Variants in PTGFR observed in about 807,000 individuals in gnomAD.
PTGFR encodes prostaglandin F2-alpha receptor.
PTGFR carries 15 observed loss-of-function variants against 26.2 expected under a neutral mutation model. That is an observed-to-expected ratio of 0.57 (90% CI 0.38 to 0.88). The LOEUF (loss-of-function observed/expected upper bound fraction) is 0.88. PTGFR is among the 40% of genes least tolerant of loss of function. PTGFR has a pLI of 0.00. For synonymous variants in PTGFR, 165 were observed against 151.1 expected (o/e 1.09, Z -0.68); for missense variants, 369 against 427.2 (o/e 0.86, Z 1.20).
At chr1:78,500,601 C>T (rs1649678909) in intron 2 of PTGFR, among the ~76,000 whole-genome samples, 1 of 152,222 alleles carries the variant, frequency 6.6e-6, no homozygotes, top group South Asian at 2.1e-4. Context: ...CTCTCCTACC[C>T]AATCCTGCTT....
rs1420972118 is a variant in PTGFR, at chr1:78,535,240, G to A, written c.799-1166G>A. On this transcript the variant is annotated intron_variant, in intron 2 of 2. Coordinates refer to ENST00000370757, the MANE Select transcript of PTGFR (RefSeq NM_000959.4). Reference sequence around the variant, plus strand: ...GCTCAGGAGGGCATGGTGCATCTGGGAAAGATGAGGTCTTCACAGTGGTTG... The same window carrying A: ...GCTCAGGAGGGCATGGTGCATCTGGAAAAGATGAGGTCTTCACAGTGGTTG... Among the ~76,000 whole-genome samples, 6 of 152,120 alleles carry A rather than the reference G, an allele frequency of 3.9e-5. No individual in the cohort carries two copies. The East Asian group carries it at 9.7e-4, about 24-fold the overall frequency.
intron 2 of PTGFR, among the ~76,000 whole-genome samples, chr1:78,509,954 C>T (rs1649925765): frequency 6.6e-6 from 1 of 152,202 alleles, no homozygotes; most frequent in Non-Finnish European, 1.5e-5. Context: ...ATTGATGCCA[C>T]CCTTCTCTTG....
chr1:78,508,596 C>G (rs1649881281), intron 2 of PTGFR, among the ~76,000 whole-genome samples: 1 of 152,150 alleles, frequency 6.6e-6, no homozygotes, highest in Admixed American at 6.5e-5. Context: ...TTCAAACTCT[C>G]CCCTGACTTC....
At chr1:78,503,794 C>T (rs1417362123) in intron 2 of PTGFR, among the ~76,000 whole-genome samples, 1 of 152,176 alleles carries the variant, frequency 6.6e-6, no homozygotes, top group African/African-American at 2.4e-5. Flanking sequence ...GAAGGAACCT[C>T]TGATCACAAA....
intron 2 of PTGFR, among the ~76,000 whole-genome samples, chr1:78,530,826 T>G (rs909824276): frequency 1.3e-4 from 20 of 152,178 alleles, no homozygotes; most frequent in African/African-American, 4.8e-4. Flanking sequence ...GAAATCCAGA[T>G]AGACTTGGGC....
chr1:78,530,186 C>CT (rs1348379257), intron 2 of PTGFR, among the ~76,000 whole-genome samples: 3 of 152,136 alleles, frequency 2.0e-5, no homozygotes, highest in South Asian at 2.1e-4. Flanking sequence ...ATTAGTGATA[C>CT]TTTTTTACAA....
At chr1:78,532,770 G>C (rs1192279373) in intron 2 of PTGFR, among the ~76,000 whole-genome samples, 1 of 151,782 alleles carries the variant, frequency 6.6e-6, no homozygotes, top group African/African-American at 2.4e-5. Context: ...ATATGTCACT[G>C]TAACTCCGTG....
intron 2 of PTGFR, among the ~76,000 whole-genome samples, chr1:78,527,100 T>G (rs1033903417): frequency 2.0e-5 from 3 of 152,106 alleles, no homozygotes; most frequent in Non-Finnish European, 4.4e-5. Flanking sequence ...TAACTATGAA[T>G]TTTTAGGTAA....
At chr1:78,491,369 T>G (rs1649391012) in intron 1 of PTGFR, 133 bp downstream of exon 1, 1 of 152,422 alleles carries the variant, frequency 6.6e-6, no homozygotes, top group Non-Finnish European at 1.5e-5. Flanking sequence ...TGGACCAGAT[T>G]CCCCAAGCTA....
chr1:78,524,654 A>G (rs551969933), intron 2 of PTGFR, among the ~76,000 whole-genome samples: 32 of 152,168 alleles, frequency 2.1e-4, no homozygotes, highest in African/African-American at 7.5e-4. Flanking sequence ...ATCACAGTGT[A>G]ATTTTAGATG....
intron 2 of PTGFR, among the ~76,000 whole-genome samples, chr1:78,530,943 G>C (rs1273613447): frequency 1.3e-5 from 2 of 152,090 alleles, no homozygotes; most frequent in African/African-American, 4.8e-5. Flanking sequence ...AACCACCTCT[G>C]GGGGTTTTAG....
rs551253756 is a variant in PTGFR, at chr1:78,537,055, T to A, written c.*368T>A. ...GCAGCCTGCATAGTGAAATGGTTAT[T>A]TTGAGATCACCGCTCTGTAGCTAAC... On this transcript the variant is annotated 3_prime_UTR_variant, in exon 3 of 3. Transcript: ENST00000370757. 5.4e-6 allele frequency: 1 copy of A among 186,658 alleles called. No individual in the cohort carries two copies. The highest frequency in any genetic ancestry group is 2.4e-5 in the African/African-American group (1 of 42,354). The allele number at this position is 186,658 out of a possible 1,614,324, so 11.6% of individuals were successfully genotyped here.
At chr1:78,530,281 G>C (rs1264935099) in intron 2 of PTGFR, among the ~76,000 whole-genome samples, 1 of 152,144 alleles carries the variant, frequency 6.6e-6, no homozygotes, top group Non-Finnish European at 1.5e-5. Flanking sequence ...CCTTGGTTAT[G>C]TGGAGTTTAA....
chr1:78,528,345 T>A (rs1650425494), intron 2 of PTGFR, among the ~76,000 whole-genome samples: 1 of 143,736 alleles, frequency 7.0e-6, no homozygotes, highest in Non-Finnish European at 1.5e-5. Context: ...AATTGTCTTA[T>A]CCTTTTGACC....
At chr1:78,492,176 T>C (rs1649418319) in intron 1 of PTGFR, among the ~76,000 whole-genome samples, 1 of 152,200 alleles carries the variant, frequency 6.6e-6, no homozygotes, top group South Asian at 2.1e-4. Context: ...AACTTGCTGG[T>C]CCCCTTCCAA....
chr1:78,508,977 T>C (rs1159428892), intron 2 of PTGFR, among the ~76,000 whole-genome samples: 1 of 152,184 alleles, frequency 6.6e-6, no homozygotes, highest in African/African-American at 2.4e-5. Flanking sequence ...GAACTTTTAG[T>C]GCCATTCTTA....
chr1:78,497,784 TC>T, intron 2 of PTGFR: 1 of 855,300 alleles, frequency 1.2e-6, no homozygotes, highest in South Asian at 1.5e-5. Context: ...TTTAATCTGT[TC>T]CCTAATCACC....
intron 2 of PTGFR, among the ~76,000 whole-genome samples, chr1:78,506,645 G>GAC (rs1649834061): frequency 1.3e-5 from 2 of 151,878 alleles, no homozygotes; most frequent in Non-Finnish European, 2.9e-5. Context: ...GCTACTAAAT[G>GAC]TATACTCTCA....
rs1478005499 is a variant in PTGFR at position 78,539,915 on chromosome 1, CTG to C, written c.*3232_*3233del. ...TTCTGTGATATCTTCTCTCTTTTACCTGTGTCTCAACTTACCTAGGCAAGTCA... is the reference window on the plus strand; with the variant it reads ...TTCTGTGATATCTTCTCTCTTTTACCTGTCTCAACTTACCTAGGCAAGTCA... On this transcript the variant is annotated 3_prime_UTR_variant, in exon 3 of 3. Transcript: ENST00000370757. Among the ~76,000 whole-genome samples the C allele has an allele frequency of 6.6e-6, 1 of 151,994 alleles. No homozygotes were observed. Among genetic ancestry groups the C allele is most frequent in the Admixed American group, 6.6e-5 (1 of 15,208 alleles).
Sources: allele counts gnomAD v4.1 joint callset (sites outside exome capture counted in the v4.1 genomes callset), GRCh38; gene constraint gnomAD v4.1.1; transcripts MANE v1.5; gene names NCBI Gene and HGNC (gene_info 2026-07-23, HGNC 2026-07-21).